The following CC2D1A variants were observed in gnomAD, a reference collection of about 807,000 sequenced individuals.
The protein encoded by CC2D1A is coiled-coil and C2 domain containing 1A, also known as coiled-coil and C2 domain-containing protein 1A.
CC2D1A carries 68 observed loss-of-function variants against 123.8 expected under a neutral mutation model. The observed-to-expected ratio is 0.55, with a 90% CI of 0.45 to 0.67. The LOEUF (loss-of-function observed/expected upper bound fraction) is 0.67. Ranked by LOEUF, CC2D1A falls within the 30% of genes least tolerant of loss-of-function variation. The probability of loss-of-function intolerance (pLI) is 0.00; values close to 1 mark genes in which losing one functional copy is unlikely to be tolerated. For synonymous variants in CC2D1A, 477 were observed against 528.0 expected, an observed-to-expected ratio of 0.90 and a Z score of 1.32; for missense variants, 1,185 against 1,290.3, an observed-to-expected ratio of 0.92 and a Z score of 1.25.
Position 13,930,724 on chromosome 19 carries a change from T to C in CC2D1A, c.*329T>C. 2.3e-6 allele frequency: 1 copy of C among 437,698 alleles called. No individual in the cohort carries two copies. Among genetic ancestry groups the C allele is most frequent in the South Asian group, 4.5e-5 (1 of 22,370 alleles). 27.1% of individuals were successfully genotyped at this position (437,698 alleles called of 1,614,324 possible). A position where few individuals can be genotyped will look rare whatever the true frequency, so the allele number is the denominator to read the frequency against. On this transcript the variant is annotated 3_prime_UTR_variant, in exon 29 of 29. Coordinates refer to ENST00000318003, the MANE Select transcript of CC2D1A (RefSeq NM_017721.5). This position sits in a 1 kb window ranked among gnomAD's most constrained non-coding sequence, Gnocchi z 6.8. ...CCGAGGGCCCCTGCAAGCACTTTAC[T>C]TCCTGTTCCTCCCCAGCCTTAACCC...
chr19:13,907,464 T>C (rs1970804463), intron 1 of CC2D1A, among the ~76,000 whole-genome samples: 1 of 151,952 alleles, frequency 6.6e-6, no homozygotes, highest in South Asian at 2.1e-4. Flanking sequence ...GTCTCACACC[T>C]GTAATCCCAG....
At chr19:13,917,705 G>A (rs927828973) in intron 6 of CC2D1A, among the ~76,000 whole-genome samples, 46 of 151,904 alleles carry the variant, frequency 3.0e-4, no homozygotes, top group Non-Finnish European at 7.4e-5. Context: ...AAAGCCAGGC[G>A]CGGTGGTTCA....
At position 13,918,566 on chromosome 19, in the gene CC2D1A, C is replaced by G. The variant is rs566528989; in HGVS notation, c.936C>G (p.Pro312=). 6.2e-7 allele frequency: 1 copy of G among 1,613,444 alleles called. No individual in the cohort carries two copies. Among genetic ancestry groups the G allele is most frequent in the Non-Finnish European group, 8.5e-7 (1 of 1,179,950 alleles). ...RGEPVDLSCL[P]PPPDQLPPDP... ...AGCCCGTGGACCTCTCCTGCCTGCC[C>G]CCTCCACCCGGTGAGAACCCTGCCA... Residue 312 remains proline (P), a synonymous_variant, in exon 8 of 29, where the codon CCC becomes CCG. Coordinates refer to ENST00000318003, the MANE Select transcript of CC2D1A (RefSeq NM_017721.5).
In CC2D1A at chr19:13,927,941, C is replaced by T. The variant is rs748036713; in HGVS notation, c.2365C>T (p.Arg789Trp). 21 of 1,613,418 alleles carry T rather than the reference C, an allele frequency of 1.3e-5. No homozygotes were observed. The East Asian group carries it at 1.8e-4, about 14-fold the overall frequency. ...AGGGGGGCGACTGGAGGTAATGGTC[C>T]GGATTCGGGAGCCACTGACAGCCCA... ...PTGGRLEVMV[R>W]IREPLTAQQL... is the part of the protein sequence containing the mutation. The change falls in exon 23 of 29, where the codon CGG (arginine) becomes TGG (tryptophan). Residue 789 changes from arginine to tryptophan, a missense_variant. Physicochemically the swap from Arg to Trp is moderately radical, Grantham distance 101. Coordinates refer to ENST00000318003, the MANE Select transcript of CC2D1A (RefSeq NM_017721.5).
chr19:13,909,375 CA>C (rs1288958631), intron 1 of CC2D1A, among the ~76,000 whole-genome samples: 19 of 144,156 alleles, frequency 1.3e-4, no homozygotes, highest in Admixed American at 1.2e-3. Context: ...GACTCTGTGT[CA>C]AAAAAAAACA....
intron 13 of CC2D1A, 30 bp from the exon 14 acceptor site, chr19:13,920,720 C>G (rs763178156): frequency 5.0e-6 from 8 of 1,612,070 alleles, no homozygotes; most frequent in Non-Finnish European, 5.9e-6. Context: ...GTGGCCTGGG[C>G]AGCACCCATA....
At chr19:13,908,092 G>A (rs1475695117) in intron 1 of CC2D1A, among the ~76,000 whole-genome samples, 5 of 151,538 alleles carry the variant, frequency 3.3e-5, no homozygotes, top group African/African-American at 9.7e-5. Context: ...TGCAACCTCC[G>A]CTTCCCGGGT....
chr19:13,925,207 T>A (rs966881236), intron 17 of CC2D1A, among the ~76,000 whole-genome samples: 14 of 152,342 alleles, frequency 9.2e-5, no homozygotes, highest in Middle Eastern at 3.4e-3. Context: ...TCAGCTAGAT[T>A]GAGCACAGGG....
chr19:13,918,846 G>A (rs1022007374), intron 9 of CC2D1A, 29 bp downstream of exon 9: 3 of 1,611,484 alleles, frequency 1.9e-6, no homozygotes, highest in Admixed American at 1.7e-5. Flanking sequence ...TGGGGTTGGG[G>A]GCAGGCTGGA....
In CC2D1A at chr19:13,930,539, C is replaced by T. The variant is rs1482079593; in HGVS notation, c.*144C>T. The T allele has an allele frequency of 2.2e-6, 2 of 914,942 alleles. No individual in the cohort carries two copies. Among genetic ancestry groups the T allele is most frequent in the African/African-American group, 3.4e-5 (2 of 59,602 alleles). 56.7% of individuals were successfully genotyped at this position (914,942 alleles called of 1,614,324 possible). ...CCCCTCATCCGGGCCCCCAGCCCCG[C>T]CAGAGCCTCCGTGGCTGCGGGTGTT... On this transcript the variant is annotated 3_prime_UTR_variant, in exon 29 of 29. Transcript: ENST00000318003. This position sits in a 1 kb window ranked among gnomAD's most constrained non-coding sequence, Gnocchi z 6.8.
intron 12 of CC2D1A, 117 bp downstream of exon 12, chr19:13,920,068 G>C (rs965475389): frequency 1.9e-6 from 2 of 1,080,242 alleles, no homozygotes; most frequent in Admixed American, 2.7e-5. Context: ...GCCACACAGT[G>C]AGACCCCCGT....
rs773809027 is a variant in CC2D1A, at chr19:13,929,339, G to A, written c.2520-40G>A. ...TTTTGAATTAACAGGGTTGGGCTGG[G>A]GGAATCTCTGCAGTCCCTTATCCTT... is the stretch of plus-strand genomic sequence containing the variant. On this transcript the variant is annotated intron_variant, in intron 24 of 28. Transcript: ENST00000318003. 15 of 1,600,940 alleles carry A rather than the reference G, an allele frequency of 9.4e-6. No individual in the cohort carries two copies. In the South Asian group the frequency reaches 1.4e-4, roughly 15 times the overall value.
At chr19:13,921,350 T>G (rs1971405327) in intron 14 of CC2D1A, among the ~76,000 whole-genome samples, 1 of 151,926 alleles carries the variant, frequency 6.6e-6, no homozygotes, top group Admixed American at 6.6e-5. Flanking sequence ...GGACATGTAG[T>G]CTCTTGTTGG....
chr19:13,914,342 T>G (rs1029516283), intron 6 of CC2D1A, among the ~76,000 whole-genome samples: 2 of 151,616 alleles, frequency 1.3e-5, no homozygotes, highest in Non-Finnish European at 2.9e-5. Context: ...GCTAATTTTT[T>G]TTTTTTTTTT....
chr19:13,927,461 G>A, intron 22 of CC2D1A, 196 bp downstream of exon 22: 3 of 591,278 alleles, frequency 5.1e-6, no homozygotes, highest in Non-Finnish European at 9.1e-6. Context: ...TGGTATCTCA[G>A]CCATACCATG....
intron 1 of CC2D1A, among the ~76,000 whole-genome samples, chr19:13,908,457 G>A (rs1216015073): frequency 1.3e-5 from 2 of 151,816 alleles, no homozygotes; most frequent in Non-Finnish European, 2.9e-5. Context: ...TGTCGTCAGG[G>A]CTTCTAATTG....
rs7246113 is a variant in CC2D1A at position 13,929,968 on chromosome 19, C to T, written c.2711-110C>T. On this transcript the variant is annotated intron_variant, in intron 26 of 28. Coordinates refer to ENST00000318003, the MANE Select transcript of CC2D1A (RefSeq NM_017721.5). ...ATGGGCACCTGGAGGGGGAGGGGCT[C>T]GGGGATGGGCACCTGGCGGGGGACG... is the stretch of plus-strand genomic sequence containing the variant. 2,728 of 548,930 alleles carry T rather than the reference C, an allele frequency of 5.0e-3. 80 individuals carry two copies. In the African/African-American group the frequency reaches 0.14, roughly 28 times the overall value. The allele number at this position is 548,930 out of a possible 1,614,324, so 34.0% of individuals were successfully genotyped here. A position where few individuals can be genotyped will look rare whatever the true frequency, so the allele number is the denominator to read the frequency against.
Position 13,923,192 on chromosome 19 carries a change from C to CAAA in CC2D1A, c.1642-130_1642-128dup. 3.4e-6 allele frequency: 3 copies of CAAA among 875,676 alleles called. No homozygotes were observed. The highest frequency in any genetic ancestry group is 4.9e-6 in the Non-Finnish European group (3 of 610,004). The allele number at this position is 875,676 out of a possible 1,614,324, so 54.2% of individuals were successfully genotyped here. ...TGGGCAACAGAGCGAGACTCCATCT[C>CAAA]AAAAAAAAAAAAAGACCAGAGAAGG... On this transcript the variant is annotated intron_variant, in intron 14 of 28. Coordinates refer to ENST00000318003, the MANE Select transcript of CC2D1A (RefSeq NM_017721.5). The surrounding 1 kb of genome is among the most constrained non-coding windows in gnomAD (Gnocchi z 5.3).
chr19:13,920,524 G>A (rs970394180), intron 12 of CC2D1A, 33 bp from the exon 13 acceptor site: 21 of 1,326,100 alleles, frequency 1.6e-5, no homozygotes, highest in Middle Eastern at 1.8e-4. Flanking sequence ...CAGGCGCTAC[G>A]AAATCTCTAA....
Sources: gnomAD v4.1 joint callset for allele counts (sites outside exome capture counted in the v4.1 genomes callset) on GRCh38, gnomAD v4.1.1 for gene constraint, Gnocchi (gnomAD v3.1) non-coding constraint, MANE v1.5 for transcripts, NCBI Gene and HGNC (gene_info 2026-07-23, HGNC 2026-07-21) for gene names.